COG6: variants seen among roughly 807,000 people sequenced by gnomAD.
COG6 encodes the protein conserved oligomeric Golgi complex subunit 6.
Under a neutral mutation model 88.8 loss-of-function variants are expected in COG6, and 74 were observed. That is an observed-to-expected ratio of 0.83 (90% confidence interval 0.69 to 1.01). The LOEUF (loss-of-function observed/expected upper bound fraction) is 1.01. Ranked by LOEUF, COG6 falls within the 50% of genes least tolerant of loss-of-function variation. COG6 has a pLI of 0.00. For missense variants in COG6, 800 were observed against 797.9 expected, an observed-to-expected ratio of 1.00 and a Z score of -0.03; for synonymous variants, 286 against 278.7, an observed-to-expected ratio of 1.03 and a Z score of -0.26.
At chr13:39,673,798 G>GT (rs1444260260) in intron 4 of COG6, among the ~76,000 whole-genome samples, 1 of 151,850 alleles carries the variant, frequency 6.6e-6, no homozygotes, top group Non-Finnish European at 1.5e-5. Context: ...TCCAGAGTGA[G>GT]TATGTGTGTG....
chr13:39,713,015 C>G (rs945520843), intron 13 of COG6, among the ~76,000 whole-genome samples: 1 of 152,206 alleles, frequency 6.6e-6, no homozygotes. Context: ...TTTTCTTCAA[C>G]TTTCTGTCAG....
In COG6 at chr13:39,686,911, A is replaced by C. The variant is rs1286385605; in HGVS notation, c.789-592A>C. Among the ~76,000 whole-genome samples the C allele has an allele frequency of 4.0e-5, 6 of 151,338 alleles. No individual in the cohort carries two copies. The East Asian group carries it at 9.7e-4, about 24-fold the overall frequency. On this transcript the variant is annotated intron_variant, in intron 8 of 18. Transcript: ENST00000455146. Reference sequence around the variant, plus strand: ...TGCCTGGCTATTTTTTTTTTTTAATAATGAGAAAGGGTTTCATTATTTTGC... The same window carrying C: ...TGCCTGGCTATTTTTTTTTTTTAATCATGAGAAAGGGTTTCATTATTTTGC...
At chr13:39,753,988 G>A (rs969079713), downstream of COG6, among the ~76,000 whole-genome samples, 1 of 152,084 alleles carries the variant, frequency 6.6e-6, no homozygotes, top group Admixed American at 6.6e-5. Context: ...AGTGCTATAT[G>A]TTGTCAGATC....
At chr13:39,739,586 C>T (rs1332250138) in intron 18 of COG6, among the ~76,000 whole-genome samples, 4 of 151,878 alleles carry the variant, frequency 2.6e-5, no homozygotes, top group Admixed American at 6.6e-5. Flanking sequence ...AACACTATAG[C>T]CAAAGCATAC....
At chr13:39,687,059 T>C (rs1160398793) in intron 8 of COG6, among the ~76,000 whole-genome samples, 1 of 151,980 alleles carries the variant, frequency 6.6e-6, no homozygotes, top group Non-Finnish European at 1.5e-5. Context: ...TTATAATCAG[T>C]TTTTGAGAAC....
exon 19 of COG6, chr13:39,791,662 T>C (rs1881942561): frequency 6.6e-6 from 1 of 151,938 alleles, no homozygotes; most frequent in South Asian, 2.1e-4. Context: ...GTTAATAAGG[T>C]TTTATATCTG....
At chr13:39,782,927 T>C (rs970477865) in intron 18 of COG6, among the ~76,000 whole-genome samples, 4 of 152,228 alleles carry the variant, frequency 2.6e-5, no homozygotes, top group Admixed American at 2.0e-4. Context: ...TCTAGGGTGC[T>C]GCGAATGTCC....
intron 18 of COG6, among the ~76,000 whole-genome samples, chr13:39,783,179 C>T (rs1351932973): frequency 1.3e-5 from 2 of 152,162 alleles, no homozygotes; most frequent in Non-Finnish European, 2.9e-5. Context: ...AGAGGTCTTA[C>T]ATATTTTCAA....
chr13:39,743,775 C>G (rs751387151), intron 18 of COG6, among the ~76,000 whole-genome samples: 10 of 152,124 alleles, frequency 6.6e-5, no homozygotes, highest in Non-Finnish European at 1.2e-4. Context: ...CATCCTGATA[C>G]CAAAGCCTGG....
At chr13:39,780,323 C>A (rs893054545) in intron 18 of COG6, among the ~76,000 whole-genome samples, 3 of 152,172 alleles carry the variant, frequency 2.0e-5, no homozygotes, top group Admixed American at 2.0e-4. Context: ...ATATATAAAG[C>A]AACATGATGG....
At chr13:39,689,514 T>C (rs1876857963) in intron 10 of COG6, among the ~76,000 whole-genome samples, 1 of 152,114 alleles carries the variant, frequency 6.6e-6, no homozygotes. Flanking sequence ...ATTTATTTTA[T>C]TAACTCAAAG....
chr13:39,733,951 T>TG (rs1879596553), intron 18 of COG6, among the ~76,000 whole-genome samples: 1 of 152,172 alleles, frequency 6.6e-6, no homozygotes, highest in South Asian at 2.1e-4. Context: ...TTTGAATTTC[T>TG]GGGGTATTGG....
intron 18 of COG6, 84 bp from the exon 19 acceptor site, chr13:39,750,862 A>C (rs934063506): frequency 1.0e-6 from 1 of 991,764 alleles, no homozygotes; most frequent in Non-Finnish European, 1.6e-6. Flanking sequence ...AAATGTGTTG[A>C]TTGAAGTGTC....
At chr13:39,710,320 T>A in intron 13 of COG6, among the ~76,000 whole-genome samples, 1 of 152,184 alleles carries the variant, frequency 6.6e-6, no homozygotes, top group South Asian at 2.1e-4. Flanking sequence ...TTGATTTTGA[T>A]CGTTGATTCT....
rs1880065877 is a variant in COG6, at chr13:39,741,933, C to T, written c.1827-9013C>T. On this transcript the variant is annotated intron_variant, in intron 18 of 18. Transcript: ENST00000455146. ...AGCAGAAACTCTACAAGCCAGAAGA[C>T]AGTGGGGTCAATATTCAACATTCTT... is the stretch of plus-strand genomic sequence containing the variant. 2.0e-5 allele frequency among the ~76,000 whole-genome samples: 3 copies of T among 152,228 alleles called. No individual in the cohort carries two copies. The South Asian group carries it at 6.2e-4, about 32-fold the overall frequency.
intron 5 of COG6, 101 bp from the exon 6 acceptor site, chr13:39,679,437 T>C (rs1487979579): frequency 4.0e-6 from 3 of 747,248 alleles, no homozygotes; most frequent in Non-Finnish European, 7.4e-6. Context: ...TTCCCTAAAA[T>C]AGGTGAAAGA....
chr13:39,661,482 A>G (rs574496477), intron 3 of COG6, among the ~76,000 whole-genome samples: 1 of 152,290 alleles, frequency 6.6e-6, no homozygotes, highest in South Asian at 2.1e-4. Context: ...GTCTCTTGGA[A>G]CGATTGACAT....
intron 4 of COG6, among the ~76,000 whole-genome samples, chr13:39,675,218 A>T (rs1875898723): frequency 6.6e-6 from 1 of 152,158 alleles, no homozygotes; most frequent in African/African-American, 2.4e-5. Context: ...AAGCCCTCTA[A>T]AAGTTCCATA....
chr13:39,766,846 T>C (rs1271921367), intron 18 of COG6, among the ~76,000 whole-genome samples: 2 of 152,162 alleles, frequency 1.3e-5, no homozygotes, highest in Non-Finnish European at 2.9e-5. Flanking sequence ...TTTTTTGCGC[T>C]TCTGAACTTA....
Sources: gnomAD v4.1 joint callset for allele counts (sites outside exome capture counted in the v4.1 genomes callset) on GRCh38, gnomAD v4.1.1 for gene constraint, MANE v1.5 for transcripts, NCBI Gene and HGNC (gene_info 2026-07-23, HGNC 2026-07-21) for gene names.